DYNC1I2: variants seen among roughly 807,000 people sequenced by gnomAD.
The protein encoded by DYNC1I2 is cytoplasmic dynein 1 intermediate chain 2.
A neutral mutation model predicts 88.6 loss-of-function variants in DYNC1I2; 53 were observed. That is an observed-to-expected ratio of 0.60 (90% CI 0.48 to 0.75). DYNC1I2 has a LOEUF of 0.75. Among genes scored for constraint, DYNC1I2 ranks in the 30% least tolerant of loss-of-function variants. The pLI, the probability that DYNC1I2 is intolerant of heterozygous loss-of-function variation, is 0.00. For missense variants in DYNC1I2, 458 were observed against 766.6 expected (o/e 0.60, Z 4.75); for synonymous variants, 198 against 254.6 (o/e 0.78, Z 2.12).
chr2:171,709,169 T>C (rs1574544836), intron 5 of DYNC1I2, among the ~76,000 whole-genome samples: 1 of 152,212 alleles, frequency 6.6e-6, no homozygotes, highest in Non-Finnish European at 1.5e-5. Context: ...ACTGTGTACA[T>C]TATGACTCAT....
intron 7 of DYNC1I2, among the ~76,000 whole-genome samples, chr2:171,720,706 G>C (rs1432873003): frequency 6.6e-6 from 1 of 152,144 alleles, no homozygotes; most frequent in Non-Finnish European, 1.5e-5. Context: ...ACTCAAGCCA[G>C]GGCGACAGAG....
intron 10 of DYNC1I2, 135 bp from the exon 11 acceptor site, chr2:171,726,656 T>G (rs1482690373): frequency 2.1e-5 from 20 of 962,296 alleles, no homozygotes; most frequent in Non-Finnish European, 2.8e-5. Context: ...GGCATAATGC[T>G]AGAGATGTCT....
At chr2:171,722,087 T>C (rs1321656410) in intron 7 of DYNC1I2, among the ~76,000 whole-genome samples, 1 of 152,184 alleles carries the variant, frequency 6.6e-6, no homozygotes, top group African/African-American at 2.4e-5. Context: ...AAACTTGCTC[T>C]GAAGTCTCCT....
At chr2:171,692,965 G>A in intron 3 of DYNC1I2, 71 bp downstream of exon 3, 1 of 1,022,602 alleles carries the variant, frequency 9.8e-7, no homozygotes, top group Non-Finnish European at 1.5e-6. Context: ...TAGCTGAGTG[G>A]ATTGACTTGA....
chr2:171,704,182 C>T (rs961930656), intron 3 of DYNC1I2, among the ~76,000 whole-genome samples: 1 of 152,100 alleles, frequency 6.6e-6, no homozygotes, highest in African/African-American at 2.4e-5. Flanking sequence ...CTTCACAGGC[C>T]AGAAGCCAGC....
intron 11 of DYNC1I2, among the ~76,000 whole-genome samples, chr2:171,727,324 A>G (rs1387293773): frequency 1.3e-5 from 2 of 152,190 alleles, no homozygotes; most frequent in Non-Finnish European, 2.9e-5. Flanking sequence ...GATGGTTTTA[A>G]GTAGAAACAT....
intron 3 of DYNC1I2, among the ~76,000 whole-genome samples, chr2:171,693,563 G>A (rs1489790521): frequency 6.6e-6 from 1 of 152,162 alleles, no homozygotes; most frequent in Non-Finnish European, 1.5e-5. Flanking sequence ...AGTTTAACAT[G>A]GCCTTTATCC....
Position 171,715,454 on chromosome 2 carries a change from A to G in DYNC1I2, c.511+11A>G. The G allele has an allele frequency of 1.3e-6, 2 of 1,495,402 alleles. No individual in the cohort carries two copies. Among genetic ancestry groups the G allele is most frequent in the South Asian group, 2.4e-5 (2 of 82,906 alleles). 92.6% of individuals were successfully genotyped at this position (1,495,402 alleles called of 1,614,324 possible). On this transcript the variant is annotated intron_variant, in intron 7 of 17. Coordinates refer to ENST00000397119, the MANE Select transcript of DYNC1I2 (RefSeq NM_001378.3). ...CTCAACCCAAAGAAGGTGAATATCT[A>G]TCCTTAGTATAATTGTCATTGAGCA...
intron 7 of DYNC1I2, among the ~76,000 whole-genome samples, chr2:171,723,266 T>G (rs1688016573): frequency 6.6e-6 from 1 of 152,172 alleles, no homozygotes. Flanking sequence ...AATTTATAAT[T>G]CATAGTGCTC....
intron 5 of DYNC1I2, among the ~76,000 whole-genome samples, chr2:171,708,084 C>CACAT (rs1686825378): frequency 6.6e-6 from 1 of 151,938 alleles, no homozygotes; most frequent in South Asian, 2.1e-4. Context: ...CACACACACA[C>CACAT]ACACACACAA....
chr2:171,688,908 G>A (rs950601160), intron 1 of DYNC1I2, among the ~76,000 whole-genome samples: 1 of 152,054 alleles, frequency 6.6e-6, no homozygotes. Flanking sequence ...CACTTGTACA[G>A]AGACATTGAA....
intron 7 of DYNC1I2, among the ~76,000 whole-genome samples, chr2:171,723,162 C>T (rs1688010634): frequency 6.6e-6 from 1 of 152,110 alleles, no homozygotes; most frequent in South Asian, 2.1e-4. Context: ...TGCATTATGA[C>T]AGGAATTTGA....
chr2:171,695,062 G>A (rs1032961931), intron 3 of DYNC1I2, among the ~76,000 whole-genome samples: 1 of 151,848 alleles, frequency 6.6e-6, no homozygotes, highest in Non-Finnish European at 1.5e-5. Context: ...AATGCATTAA[G>A]TGACCACTTT....
intron 3 of DYNC1I2, among the ~76,000 whole-genome samples, chr2:171,698,459 C>T (rs898955544): frequency 6.6e-5 from 10 of 151,972 alleles, no homozygotes; most frequent in Admixed American, 5.2e-4. Flanking sequence ...ATTTTGGCTC[C>T]CTGCAACCTC....
rs1036524481 is a variant in DYNC1I2, at chr2:171,692,888, C to G, written c.220C>G (p.Pro74Ala). ...LQSMGLTPES[P>A]IVFSEYWVPP... ...AAGCATGGGGCTAACTCCAGAATCC[C>G]CCATTGGTAAGGTTAAGAATATATC... The change falls in exon 3 of 18, where the codon CCC (proline) becomes GCC (alanine). Residue 74 changes from proline to alanine, a missense_variant. Around this residue, in one of 5 missense-constraint regions of DYNC1I2, gnomAD observed 55 missense variants for 57.1 expected, o/e 0.96. Transcript: ENST00000397119. 9 of 1,591,986 alleles carry G rather than the reference C, an allele frequency of 5.7e-6. No individual in the cohort carries two copies. The African/African-American group carries it at 1.2e-4, about 21-fold the overall frequency.
At chr2:171,703,153 C>G (rs74668497) in intron 3 of DYNC1I2, among the ~76,000 whole-genome samples, 1 of 152,164 alleles carries the variant, frequency 6.6e-6, no homozygotes, top group East Asian at 1.9e-4. Flanking sequence ...ATTTTTGTTC[C>G]ATTATTACTA....
chr2:171,726,440 CATCTT>C (rs1472113189), intron 10 of DYNC1I2, 147 bp downstream of exon 10: 42 of 619,868 alleles, frequency 6.8e-5, no homozygotes, highest in African/African-American at 5.0e-4. Context: ...TTAACATACT[CATCTT>C]ATGTACTTTG....
intron 2 of DYNC1I2, among the ~76,000 whole-genome samples, chr2:171,690,548 T>G (rs1685321298): frequency 6.6e-6 from 1 of 152,162 alleles, no homozygotes; most frequent in Admixed American, 6.5e-5. Context: ...TCGTATAGAT[T>G]GATGCATTTC....
At chr2:171,725,860 G>A in intron 8 of DYNC1I2, 59 bp from the exon 9 acceptor site, 1 of 1,442,938 alleles carries the variant, frequency 6.9e-7, no homozygotes, top group South Asian at 1.3e-5. Flanking sequence ...TACTGTGATA[G>A]TGAGTTGACG....
Sources: allele counts gnomAD v4.1 joint callset (sites outside exome capture counted in the v4.1 genomes callset), GRCh38; gene constraint gnomAD v4.1.1; regional missense constraint gnomAD v4.1.1; transcripts MANE v1.5; gene names NCBI Gene and HGNC (gene_info 2026-07-23, HGNC 2026-07-21).